Variants in COL7A1 observed in about 807,000 individuals in gnomAD.
COL7A1 encodes collagen type VII alpha 1 chain, also known as collagen alpha-1(VII) chain.
Under a neutral mutation model 456.2 loss-of-function variants are expected in COL7A1, and 296 were observed. That is an observed-to-expected ratio of 0.65 (90% CI 0.59 to 0.71). The LOEUF (loss-of-function observed/expected upper bound fraction) is 0.71. COL7A1 is among the 30% of genes least tolerant of loss of function. The probability of loss-of-function intolerance (pLI) is 0.00; values close to 1 mark genes in which losing one functional copy is unlikely to be tolerated. For missense variants in COL7A1, 3,441 were observed against 4,017.2 expected, an observed-to-expected ratio of 0.86 and a Z score of 3.88; for synonymous variants, 1,464 against 1,525.9, an observed-to-expected ratio of 0.96 and a Z score of 0.95.
At position 48,594,668 on chromosome 3, in the gene COL7A1, G is replaced by T; in HGVS notation, c.86-120C>A. The T allele has an allele frequency of 8.1e-7, 1 of 1,237,970 alleles. No individual in the cohort carries two copies. The highest frequency in any genetic ancestry group is 1.1e-6 in the Non-Finnish European group (1 of 891,154). 76.7% of individuals were successfully genotyped at this position (1,237,970 alleles called of 1,614,324 possible). A position where few individuals can be genotyped will look rare whatever the true frequency, so the allele number is the denominator to read the frequency against. On this transcript the variant is annotated intron_variant, in intron 2 of 118. Transcript: ENST00000681320. The surrounding 1 kb of genome is among the most constrained non-coding windows in gnomAD (Gnocchi z 5.5). Reference sequence around the variant, plus strand: ...AGTAGGCCTCATCTTATGCAAACCAGGGCCGAATCGGCCTGAGCCTGAGGG... The same window carrying T: ...AGTAGGCCTCATCTTATGCAAACCATGGCCGAATCGGCCTGAGCCTGAGGG...
Position 48,583,465 on chromosome 3 carries a change from T to C in COL7A1, c.4402-37A>G. The C allele has an allele frequency of 6.2e-7, 1 of 1,613,970 alleles. No individual in the cohort carries two copies. The highest frequency in any genetic ancestry group is 2.2e-5 in the East Asian group (1 of 44,846). The stretch of plus-strand genomic sequence containing the variant: ...GAATTTGGGGGTTCAGAGATTTGGG[T>C]TTGGGCATGAGGATGGAGCAGTGGT... On this transcript the variant is annotated intron_variant, in intron 41 of 118. Coordinates refer to ENST00000681320, the MANE Select transcript of COL7A1 (RefSeq NM_000094.4). The surrounding 1 kb of genome is among the most constrained non-coding windows in gnomAD (Gnocchi z 5.1).
Position 48,591,340 on chromosome 3 carries a change from A to G in COL7A1, c.1636+124T>C. Reference sequence around the variant, plus strand: ...CAGTGCCATCTTGGGAAGCAGATGGATAACGAGACAGGGAGGAGACTATAG... The same window carrying G: ...CAGTGCCATCTTGGGAAGCAGATGGGTAACGAGACAGGGAGGAGACTATAG... On this transcript the variant is annotated intron_variant, in intron 13 of 118. Transcript: ENST00000681320. This position sits in a 1 kb window ranked among gnomAD's most constrained non-coding sequence, Gnocchi z 7.0. The G allele has an allele frequency of 1.5e-6, 2 of 1,343,210 alleles. No homozygotes were observed. Among genetic ancestry groups the G allele is most frequent in the Non-Finnish European group, 2.1e-6 (2 of 973,716 alleles). 83.2% of individuals were successfully genotyped at this position (1,343,210 alleles called of 1,614,324 possible). A position where few individuals can be genotyped will look rare whatever the true frequency, so the allele number is the denominator to read the frequency against.
rs763712845 is a variant in COL7A1, at chr3:48,574,763, A to G, written c.6348+34T>C. The G allele has an allele frequency of 3.7e-6, 6 of 1,613,852 alleles. No homozygotes were observed. The highest frequency in any genetic ancestry group is 1.6e-4 in the Middle Eastern group (1 of 6,084). Reference sequence around the variant, plus strand: ...TCAAGTCAGTCCCTAGTGCCATGGCAGAGGGTGGCCCCGAGCTGATTCCAC... The same window carrying G: ...TCAAGTCAGTCCCTAGTGCCATGGCGGAGGGTGGCCCCGAGCTGATTCCAC... On this transcript the variant is annotated intron_variant, in intron 77 of 118. Coordinates refer to ENST00000681320, the MANE Select transcript of COL7A1 (RefSeq NM_000094.4). The surrounding 1 kb of genome is among the most constrained non-coding windows in gnomAD (Gnocchi z 5.0).
At position 48,588,649 on chromosome 3, in the gene COL7A1, GACA is replaced by G. The variant is rs777669254; in HGVS notation, c.2577_2579del (p.Val860del). ...AGCGCATGCTCTGCCTACGCGTAGTGACAACAATGGAGACAGGTGTGCCCTCGC... is the reference window on the plus strand; with the variant it reads ...AGCGCATGCTCTGCCTACGCGTAGTGACAATGGAGACAGGTGTGCCCTCGC... On this transcript the variant is annotated inframe_deletion, in exon 20 of 119. Coordinates refer to ENST00000681320, the MANE Select transcript of COL7A1 (RefSeq NM_000094.4). This position sits in a 1 kb window ranked among gnomAD's most constrained non-coding sequence, Gnocchi z 4.6. 9 of 1,613,732 alleles carry G rather than the reference GACA, an allele frequency of 5.6e-6. No homozygotes were observed. Among genetic ancestry groups the G allele is most frequent in the Non-Finnish European group, 7.6e-6 (9 of 1,180,054 alleles).
At position 48,570,008 on chromosome 3, in the gene COL7A1, C is replaced by A; in HGVS notation, c.7486-93G>T. On this transcript the variant is annotated intron_variant, in intron 99 of 118. Coordinates refer to ENST00000681320, the MANE Select transcript of COL7A1 (RefSeq NM_000094.4). The surrounding 1 kb of genome is among the most constrained non-coding windows in gnomAD (Gnocchi z 5.5). ...GAGGAGGGAAACAGTGGGGACCAGA[C>A]AAAGGGGACAGGGGTAGACGAGGAG... 1.3e-6 allele frequency: 2 copies of A among 1,599,350 alleles called. No individual in the cohort carries two copies. The highest frequency in any genetic ancestry group is 1.7e-6 in the Non-Finnish European group (2 of 1,168,058).
Position 48,578,666 on chromosome 3 carries a change from C to T in COL7A1, c.5425-151G>A, listed in dbSNP as rs2044497922. The T allele has an allele frequency of 2.0e-6, 2 of 1,020,240 alleles. No homozygotes were observed. Among genetic ancestry groups the T allele is most frequent in the Admixed American group, 2.3e-5 (1 of 42,628 alleles). 63.2% of individuals were successfully genotyped at this position (1,020,240 alleles called of 1,614,324 possible). On this transcript the variant is annotated intron_variant, in intron 63 of 118. Transcript: ENST00000681320. The surrounding 1 kb of genome is among the most constrained non-coding windows in gnomAD (Gnocchi z 4.7). ...ATTGAGATCCCTCAGGCACAGACCC[C>T]ATGGATGGGGGCCCCTGCTGAGACT...
Position 48,572,491 on chromosome 3 carries a change from A to C in COL7A1, c.6936+12T>G, listed in dbSNP as rs752276973. On this transcript the variant is annotated intron_variant, in intron 89 of 118. Transcript: ENST00000681320. This position sits in a 1 kb window ranked among gnomAD's most constrained non-coding sequence, Gnocchi z 4.6. ...TTGACCCCCCCTCACTGGCAGCCCC[A>C]CACACACTCACCTTCTCTCCCTTTG... The C allele has an allele frequency of 5.6e-6, 9 of 1,609,752 alleles. No individual in the cohort carries two copies. The highest frequency in any genetic ancestry group is 4.5e-5 in the East Asian group (2 of 44,612).
rs2045155058 is a variant in COL7A1 at position 48,585,191 on chromosome 3, C to T, written c.3895-75G>A. 1.4e-6 allele frequency: 2 copies of T among 1,471,160 alleles called. No homozygotes were observed. Among genetic ancestry groups the T allele is most frequent in the Non-Finnish European group, 1.9e-6 (2 of 1,068,204 alleles). 91.1% of individuals were successfully genotyped at this position (1,471,160 alleles called of 1,614,324 possible). Reference sequence around the variant, plus strand: ...CTGGTTTGCTGGAGGGGCCTCACCCCATCAACAAGGGGTCGCCTACCCCAC... The same window carrying T: ...CTGGTTTGCTGGAGGGGCCTCACCCTATCAACAAGGGGTCGCCTACCCCAC... On this transcript the variant is annotated intron_variant, in intron 32 of 118. Coordinates refer to ENST00000681320, the MANE Select transcript of COL7A1 (RefSeq NM_000094.4). This position sits in a 1 kb window ranked among gnomAD's most constrained non-coding sequence, Gnocchi z 4.5.
Position 48,588,799 on chromosome 3 carries a change from G to A in COL7A1, c.2441-11C>T. ...GCCTCATGGGGCCGCCTGGCCAGGTGGGCATACAGCAATGGTTAGGGGTGA... is the reference window on the plus strand; with the variant it reads ...GCCTCATGGGGCCGCCTGGCCAGGTAGGCATACAGCAATGGTTAGGGGTGA... On this transcript the variant is annotated splice_polypyrimidine_tract_variant and intron_variant, in intron 19 of 118. Coordinates refer to ENST00000681320, the MANE Select transcript of COL7A1 (RefSeq NM_000094.4). The surrounding 1 kb of genome is among the most constrained non-coding windows in gnomAD (Gnocchi z 4.6). The A allele has an allele frequency of 1.2e-6, 2 of 1,613,708 alleles. No homozygotes were observed. The highest frequency in any genetic ancestry group is 1.7e-6 in the Non-Finnish European group (2 of 1,180,034).
At chr3:48,576,032 T>G (rs1420879486) in intron 71 of COL7A1, 130 bp from the exon 72 acceptor site, 1 of 1,490,396 alleles carries the variant, frequency 6.7e-7, no homozygotes, top group South Asian at 1.2e-5. Flanking sequence ...CTTTAGCACT[T>G]GGTTGAGGCA....
intron 65 of COL7A1, among the ~76,000 whole-genome samples, chr3:48,577,250 C>CT (rs1160405167): frequency 6.6e-6 from 1 of 152,254 alleles, no homozygotes; most frequent in Non-Finnish European, 1.5e-5. Context: ...CACACATGTC[C>CT]TTTGACTCTG....
Position 48,592,130 on chromosome 3 carries a change from C to A in COL7A1, c.1212G>T (p.Gly404=). ...TGCGAGCCATCAGGGAAGTGGCGGG[C>A]CCCACACTGCGGCCAAATAGGGTGC... ...TVSTLFGRSV[G]PATSLMARTD... is the part of the protein sequence containing the mutation. Residue 404 remains glycine, a synonymous_variant, in exon 10 of 119, where the codon GGG becomes GGT. Coordinates refer to ENST00000681320, the MANE Select transcript of COL7A1 (RefSeq NM_000094.4). The surrounding 1 kb of genome is among the most constrained non-coding windows in gnomAD (Gnocchi z 7.6). 6.2e-7 allele frequency: 1 copy of A among 1,613,532 alleles called. No individual in the cohort carries two copies. Among genetic ancestry groups the A allele is most frequent in the Non-Finnish European group, 8.5e-7 (1 of 1,179,838 alleles).
Position 48,591,877 on chromosome 3 carries a change from C to T in COL7A1, c.1357+21G>A. 1 of 1,614,170 alleles carries T rather than the reference C, an allele frequency of 6.2e-7. No individual in the cohort carries two copies. The highest frequency in any genetic ancestry group is 8.5e-7 in the Non-Finnish European group (1 of 1,180,022). ...GGCCATGCCCTGACCCTTGCCTGTC[C>T]ATCCCTTCCCCCGCACTGACCAGTC... On this transcript the variant is annotated intron_variant, in intron 11 of 118. Coordinates refer to ENST00000681320, the MANE Select transcript of COL7A1 (RefSeq NM_000094.4). The surrounding 1 kb of genome is among the most constrained non-coding windows in gnomAD (Gnocchi z 7.0).
At chr3:48,576,102 G>C in intron 71 of COL7A1, 147 bp downstream of exon 71, 1 of 1,408,506 alleles carries the variant, frequency 7.1e-7, no homozygotes, top group Non-Finnish European at 9.9e-7. Flanking sequence ...GTTCCCTTGA[G>C]TGTGGGCTAC....
Position 48,587,578 on chromosome 3 carries a change from G to C in COL7A1, c.2858-24C>G, listed in dbSNP as rs1575476773. 1 of 1,613,404 alleles carries C rather than the reference G, an allele frequency of 6.2e-7. No homozygotes were observed. Among genetic ancestry groups the C allele is most frequent in the Admixed American group, 1.7e-5 (1 of 60,018 alleles). On this transcript the variant is annotated intron_variant, in intron 22 of 118. Transcript: ENST00000681320. This position sits in a 1 kb window ranked among gnomAD's most constrained non-coding sequence, Gnocchi z 6.1. The stretch of plus-strand genomic sequence containing the variant: ...CTCTGAAGGAGGAATGAAAGATCGA[G>C]GATCAGAGGCTGAGTCCTGAGAACC...
At position 48,586,636 on chromosome 3, in the gene COL7A1, G is replaced by A; in HGVS notation, c.3330C>T (p.Gly1110=). 1 of 1,613,526 alleles carries A rather than the reference G, an allele frequency of 6.2e-7. No individual in the cohort carries two copies. The highest frequency in any genetic ancestry group is 1.1e-5 in the South Asian group (1 of 91,056). ...HRPSPLFPLN[G]SHDLGIILQR... ...GCAAGATAATGCCAAGGTCATGGGA[G>A]CCATTCAGTGGGAACAGTGGGGAGG... Residue 1110 remains glycine (G), a synonymous_variant, in exon 26 of 119, where the codon GGC becomes GGT. Coordinates refer to ENST00000681320, the MANE Select transcript of COL7A1 (RefSeq NM_000094.4). The surrounding 1 kb of genome is among the most constrained non-coding windows in gnomAD (Gnocchi z 5.1).
rs745826871 is a variant in COL7A1, at chr3:48,585,855, C to T, written c.3761G>A (p.Gly1254Asp). ...PEPCPVYCPK[G>D]QKGEPGEMGL... ...CATCTCTCCAGGTTCCCCCTTCTGGCCCTGGGGAAAGACATGTCAGATGTG... is the reference window on the plus strand; with the variant it reads ...CATCTCTCCAGGTTCCCCCTTCTGGTCCTGGGGAAAGACATGTCAGATGTG... The change falls in exon 30 of 119, where the codon GGC becomes GAC. Residue 1254 changes from glycine to aspartate, a missense_variant and splice_region_variant. Gly to Asp is a moderately conservative substitution (Grantham distance 94). Around this residue, in one of 3 missense-constraint regions of COL7A1, gnomAD observed 2,084 missense variants for 2,501.3 expected, o/e 0.83. Transcript: ENST00000681320. This position sits in a 1 kb window ranked among gnomAD's most constrained non-coding sequence, Gnocchi z 4.5. 1 of 1,614,134 alleles carries T rather than the reference C, an allele frequency of 6.2e-7. No individual in the cohort carries two copies. Among genetic ancestry groups the T allele is most frequent in the South Asian group, 1.1e-5 (1 of 91,082 alleles).
chr3:48,565,275 C>G lies in COL7A1; in HGVS notation c.8528-74G>C. The G allele has an allele frequency of 6.6e-7, 1 of 1,518,332 alleles. No individual in the cohort carries two copies. The allele number at this position is 1,518,332 out of a possible 1,614,324, so 94.1% of individuals were successfully genotyped here. Reference sequence around the variant, plus strand: ...GCAAGGTGGGCAGCACTGATTTCCACTGTGTGCACACAGTGCCCATGCGTG... The same window carrying G: ...GCAAGGTGGGCAGCACTGATTTCCAGTGTGTGCACACAGTGCCCATGCGTG... On this transcript the variant is annotated intron_variant, in intron 116 of 118. Coordinates refer to ENST00000681320, the MANE Select transcript of COL7A1 (RefSeq NM_000094.4). The surrounding 1 kb of genome is among the most constrained non-coding windows in gnomAD (Gnocchi z 4.5).
Position 48,580,041 on chromosome 3 carries a change from G to C in COL7A1, c.5114C>G (p.Pro1705Arg). ...CAGCGCAGCCCTTACCAGCCGTCCCGGGGGTCCTGGGGGACCCTGGGAAAG... is the reference window on the plus strand; with the variant it reads ...CAGCGCAGCCCTTACCAGCCGTCCCCGGGGTCCTGGGGGACCCTGGGAAAG... The part of the protein sequence containing the change: ...DRGEPGPPGP[P>R]GRLVDTGPGA... The change falls in exon 57 of 119, where the codon CCG becomes CGG. Residue 1705 changes from proline (P) to arginine (R), a missense_variant. This residue lies in a region of COL7A1 where 2,084 missense variants were observed against 2,501.3 expected (regional missense o/e 0.83). Transcript: ENST00000681320. The surrounding 1 kb of genome is among the most constrained non-coding windows in gnomAD (Gnocchi z 4.5). The C allele has an allele frequency of 1.2e-6, 2 of 1,613,868 alleles. No homozygotes were observed. Among genetic ancestry groups the C allele is most frequent in the Non-Finnish European group, 1.7e-6 (2 of 1,179,894 alleles).
Sources: allele counts gnomAD v4.1 joint callset (sites outside exome capture counted in the v4.1 genomes callset), GRCh38; gene constraint gnomAD v4.1.1; regional missense constraint gnomAD v4.1.1; non-coding constraint Gnocchi (gnomAD v3.1); transcripts MANE v1.5; gene names NCBI Gene and HGNC (gene_info 2026-07-23, HGNC 2026-07-21).